SNX29: variants seen among roughly 807,000 people sequenced by gnomAD.
SNX29 encodes the protein sorting nexin-29.
In SNX29, 78 loss-of-function variants were observed where a neutral mutation model predicts 102.1. The ratio of observed to expected loss-of-function variants is 0.76; its 90% CI spans 0.64 to 0.92. SNX29 has a LOEUF of 0.92. Among genes scored for constraint, SNX29 ranks in the 40% least tolerant of loss-of-function variants. The pLI is 0.00. For missense variants in SNX29, 1,280 were observed against 1,061.7 expected (o/e 1.21, Z -2.86); for synonymous variants, 580 against 414.5 (o/e 1.40, Z -4.85).
At chr16:11,991,761 C>T (rs1389650786) in intron 1 of SNX29, among the ~76,000 whole-genome samples, 1 of 148,794 alleles carries the variant, frequency 6.7e-6, no homozygotes, top group Admixed American at 6.8e-5. Flanking sequence ...ACACGTTGGC[C>T]AGGCTGGTCT....
intron 13 of SNX29, among the ~76,000 whole-genome samples, chr16:12,194,594 A>G (rs144511112): frequency 7.0e-6 from 1 of 143,490 alleles, no homozygotes; most frequent in African/African-American, 2.6e-5. Context: ...ATTATGTGTG[A>G]TGTTACTATA....
At chr16:11,982,854 A>G (rs184995114) in intron 1 of SNX29, among the ~76,000 whole-genome samples, 12 of 152,278 alleles carry the variant, frequency 7.9e-5, no homozygotes, top group Non-Finnish European at 1.0e-4. Flanking sequence ...TTTGGGCTTA[A>G]TGGGTAATTT....
chr16:12,016,708 T>A, intron 3 of SNX29, among the ~76,000 whole-genome samples: 1 of 152,234 alleles, frequency 6.6e-6, no homozygotes, highest in Non-Finnish European at 1.5e-5. Context: ...GTTGGCCATC[T>A]GCATATCCCT....
intron 14 of SNX29, among the ~76,000 whole-genome samples, chr16:12,272,430 A>G (rs1218526477): frequency 6.6e-6 from 1 of 152,176 alleles, no homozygotes; most frequent in East Asian, 1.9e-4. Context: ...CATTTTGCGT[A>G]TGTATTAGCA....
At chr16:12,213,509 G>A (rs546959072) in intron 14 of SNX29, among the ~76,000 whole-genome samples, 2 of 152,230 alleles carry the variant, frequency 1.3e-5, no homozygotes, top group South Asian at 4.1e-4. Context: ...AAACAACATT[G>A]ACTTTATAGA....
chr16:12,542,395 G>T (rs1020315920), intron 20 of SNX29, among the ~76,000 whole-genome samples: 1 of 152,218 alleles, frequency 6.6e-6, no homozygotes, highest in Non-Finnish European at 1.5e-5. Context: ...GAGTACAGTG[G>T]CACAGTCTCC....
chr16:12,166,275 G>C (rs568738133), intron 13 of SNX29, among the ~76,000 whole-genome samples: 1 of 152,194 alleles, frequency 6.6e-6, no homozygotes, highest in Non-Finnish European at 1.5e-5. Context: ...TGGAAGAGCA[G>C]CCAGGCAAAT....
rs181750237 is a variant in SNX29, at chr16:12,173,359, C to A, written c.1596-26242C>A. 1.2e-4 allele frequency among the ~76,000 whole-genome samples: 18 copies of A among 152,266 alleles called. No individual in the cohort carries two copies. In the East Asian group the frequency reaches 2.9e-3, roughly 24 times the overall value. On this transcript the variant is annotated intron_variant, in intron 13 of 20. Transcript: ENST00000566228. ...TTTAGTTGGGTGTGACAAGAATGACCCAGTTTGTGTGATCAGCTTTCACAA... is the reference window on the plus strand; with the variant it reads ...TTTAGTTGGGTGTGACAAGAATGACACAGTTTGTGTGATCAGCTTTCACAA...
At chr16:12,487,634 C>T (rs2088313556) in intron 19 of SNX29, among the ~76,000 whole-genome samples, 1 of 152,130 alleles carries the variant, frequency 6.6e-6, no homozygotes, top group South Asian at 2.1e-4. Context: ...GAGTCACCTA[C>T]TACAGGTTTC....
rs144660645 is a variant in SNX29, at chr16:12,515,705, C to T, written c.2179-8997C>T. The stretch of plus-strand genomic sequence containing the variant: ...GTATTCACGTATCTGCTTGTTGGCT[C>T]TACTGGATCTAAGCTCCGGAGGGCA... On this transcript the variant is annotated intron_variant, in intron 19 of 20. Transcript: ENST00000566228. 7.5e-4 allele frequency: 335 copies of T among 447,290 alleles called. 3 individuals carry two copies. Among genetic ancestry groups the T allele is most frequent in the African/African-American group, 6.5e-3 (324 of 50,222 alleles). The allele number at this position is 447,290 out of a possible 1,614,324, so 27.7% of individuals were successfully genotyped here.
chr16:12,403,124 CAGATACATTATGG>C (rs1321505652), intron 17 of SNX29, among the ~76,000 whole-genome samples: 1 of 151,652 alleles, frequency 6.6e-6, no homozygotes, highest in Non-Finnish European at 1.5e-5. Flanking sequence ...GACTGAGGTT[CAGATACATTATGG>C]GCCAGATCAC....
intron 16 of SNX29, among the ~76,000 whole-genome samples, chr16:12,383,555 G>A (rs1372186018): frequency 3.3e-5 from 5 of 151,762 alleles, no homozygotes; most frequent in Non-Finnish European, 7.4e-5. Flanking sequence ...TTCTGCCTCA[G>A]CCTCCCGAGT....
chr16:12,402,879 C>A (rs2084002382), intron 17 of SNX29, among the ~76,000 whole-genome samples: 1 of 152,122 alleles, frequency 6.6e-6, no homozygotes, highest in South Asian at 2.1e-4. Flanking sequence ...TTTCTCTGGT[C>A]CCTCCCTCCT....
rs548445814 is a variant in SNX29, at chr16:12,513,274, G to A, written c.2179-11428G>A. ...CCTCCTCTCCCCTCCCCTTCCTAGT[G>A]CTCCCTCCCCAGCCCTCCTGCCTTG... On this transcript the variant is annotated intron_variant, in intron 19 of 20. Transcript: ENST00000566228. 5.6e-4 allele frequency among the ~76,000 whole-genome samples: 77 copies of A among 137,120 alleles called. No individual in the cohort carries two copies. In the Admixed American group the frequency reaches 5.7e-3, roughly 10 times the overall value. The allele number at this position is 137,120 out of a possible 152,430, so 90.0% of individuals were successfully genotyped here. A position where few individuals can be genotyped will look rare whatever the true frequency, so the allele number is the denominator to read the frequency against.
At position 12,096,943 on chromosome 16, in the gene SNX29, T is replaced by C. The variant is rs1398421182; in HGVS notation, c.1402+18028T>C. 6.6e-6 allele frequency among the ~76,000 whole-genome samples: 1 copy of C among 151,966 alleles called. No individual in the cohort carries two copies. The highest frequency in any genetic ancestry group is 1.5e-5 in the Non-Finnish European group (1 of 67,978). On this transcript the variant is annotated intron_variant, in intron 11 of 20. Transcript: ENST00000566228. This position sits in a 1 kb window ranked among gnomAD's most constrained non-coding sequence, Gnocchi z 4.2. The stretch of plus-strand genomic sequence containing the variant: ...CCAGAGGGTCACAGGAGGGAAAGGT[T>C]AAGGGCTCGGTGCAGGGGAGGTCAG...
At chr16:12,347,631 G>A (rs1278421720) in intron 15 of SNX29, among the ~76,000 whole-genome samples, 1 of 152,098 alleles carries the variant, frequency 6.6e-6, no homozygotes, top group East Asian at 1.9e-4. Flanking sequence ...AAAACACTTA[G>A]AGTGCTATCA....
At chr16:12,052,339 C>T in intron 8 of SNX29, 117 bp downstream of exon 8, 1 of 1,188,076 alleles carries the variant, frequency 8.4e-7, no homozygotes, top group Admixed American at 2.2e-5. Context: ...GCCTCAGCCT[C>T]CCGAGTAGCT....
At chr16:12,525,949 G>C (rs2076771237) in intron 20 of SNX29, among the ~76,000 whole-genome samples, 1 of 152,022 alleles carries the variant, frequency 6.6e-6, no homozygotes, top group East Asian at 1.9e-4. Flanking sequence ...TCATAACCTG[G>C]GAATGCTGAC....
intron 3 of SNX29, among the ~76,000 whole-genome samples, chr16:12,022,521 A>C (rs183745852): frequency 1.3e-5 from 2 of 152,216 alleles, no homozygotes; most frequent in African/African-American, 4.8e-5. Context: ...CTTTTTAATA[A>C]ATTTATAGTG....
Sources: allele counts gnomAD v4.1 joint callset (sites outside exome capture counted in the v4.1 genomes callset), GRCh38; gene constraint gnomAD v4.1.1; non-coding constraint Gnocchi (gnomAD v3.1); transcripts MANE v1.5; gene names NCBI Gene and HGNC (gene_info 2026-07-23, HGNC 2026-07-21).